Variants in ZNF69 observed in about 807,000 individuals in gnomAD.
ZNF69 encodes ZNF3.
In ZNF69, 47 loss-of-function variants were observed where a neutral mutation model predicts 50.9. That is an observed-to-expected ratio of 0.92 (90% CI 0.73 to 1.18). ZNF69 has a LOEUF of 1.18. Ranked by LOEUF, ZNF69 falls within the 50% of genes most tolerant of loss-of-function variation. ZNF69 has a pLI of 0.00. For missense variants in ZNF69, 717 were observed against 675.1 expected (o/e 1.06, Z -0.69); for synonymous variants, 216 against 223.1 (o/e 0.97, Z 0.29).
At chr19:11,950,132 A>G in the ZNF69 span, 2 of 1,614,052 alleles carry the variant, frequency 1.2e-6, no homozygotes, top group African/African-American at 1.3e-5. Context: ...GGAGAGAAAC[A>G]CTATGAATGT....
chr19:11,902,026 G>T (rs1202025420), intron 1 of ZNF69, among the ~76,000 whole-genome samples: 2 of 138,554 alleles, frequency 1.4e-5, no homozygotes, highest in East Asian at 4.2e-4. Flanking sequence ...TTGTTGCCCA[G>T]GCTGAAGTGC....
intron 1 of ZNF69, among the ~76,000 whole-genome samples, chr19:11,897,884 A>AG (rs1972161563): frequency 6.6e-6 from 1 of 151,588 alleles, no homozygotes; most frequent in East Asian, 1.9e-4. Context: ...AAAAAAAAAA[A>AG]AAGAAAAGAA....
chr19:11,979,516 A>G, the ZNF69 span: 2 of 1,602,764 alleles, frequency 1.2e-6, no homozygotes, highest in African/African-American at 1.3e-5. Flanking sequence ...AAAGACATGA[A>G]AAAACTCACA....
chr19:11,897,349 AAAAAAT>A (rs1296776096), intron 1 of ZNF69, among the ~76,000 whole-genome samples: 35 of 152,262 alleles, frequency 2.3e-4, no homozygotes, highest in African/African-American at 6.0e-4. Flanking sequence ...CTCCATCTCA[AAAAAAT>A]AAAAATAAAA....
the ZNF69 span, chr19:11,925,347 G>A: frequency 1.3e-6 from 2 of 1,589,070 alleles, no homozygotes; most frequent in Middle Eastern, 2.1e-4. Flanking sequence ...GCTGTGGCGG[G>A]ACCCGGGCCT....
the ZNF69 span, among the ~76,000 whole-genome samples, chr19:11,922,235 A>C: frequency 2.6e-5 from 4 of 152,196 alleles, no homozygotes; most frequent in Non-Finnish European, 5.9e-5. Flanking sequence ...TTTTCTTTCA[A>C]TGCAGCTACA....
the ZNF69 span, chr19:11,979,778 A>G: frequency 6.3e-7 from 1 of 1,580,918 alleles, no homozygotes; most frequent in Non-Finnish European, 8.7e-7. Flanking sequence ...TAGAACTCAC[A>G]CTGGAGAGAA....
the ZNF69 span, chr19:11,964,926 A>G: frequency 1.4e-5 from 6 of 441,678 alleles, no homozygotes; most frequent in Non-Finnish European, 2.5e-5. Flanking sequence ...CCTGATACCC[A>G]AGGCTTCCGC....
the ZNF69 span, among the ~76,000 whole-genome samples, chr19:11,958,839 C>T: frequency 1.3e-5 from 2 of 152,184 alleles, no homozygotes; most frequent in Non-Finnish European, 2.9e-5. Flanking sequence ...TGGAATTGCT[C>T]TTTCTGCATG....
At chr19:11,941,130 C>T in the ZNF69 span, among the ~76,000 whole-genome samples, 1 of 152,174 alleles carries the variant, frequency 6.6e-6, no homozygotes, top group South Asian at 2.1e-4. Flanking sequence ...TGTTTACAAA[C>T]CTTAAGCTAG....
At chr19:11,896,598 A>G (rs1972128120) in intron 1 of ZNF69, among the ~76,000 whole-genome samples, 1 of 152,168 alleles carries the variant, frequency 6.6e-6, no homozygotes, top group African/African-American at 2.4e-5. Context: ...TTATAAGAGC[A>G]CTAATCTCAT....
chr19:11,905,658 T>C lies in ZNF69; in HGVS notation c.1261T>C (p.Cys421Arg). Reference protein sequence around the residue: ...TGEKPYECKQCGKAFRSSSHL... With the variant: ...TGEKPYECKQRGKAFRSSSHL... ...AGAGAAACCCTATGAGTGTAAGCAA[T>C]GTGGGAAGGCCTTCAGATCTTCCTC... Residue 421 changes from cysteine to arginine, a missense_variant, in exon 4 of 4, where the codon TGT becomes CGT. Transcript: ENST00000429654. 1 of 1,613,838 alleles carries C rather than the reference T, an allele frequency of 6.2e-7. No individual in the cohort carries two copies. The highest frequency in any genetic ancestry group is 8.5e-7 in the Non-Finnish European group (1 of 1,179,984).
intron 1 of ZNF69, among the ~76,000 whole-genome samples, chr19:11,902,362 G>A (rs1972265877): frequency 6.6e-6 from 1 of 152,090 alleles, no homozygotes; most frequent in Non-Finnish European, 1.5e-5. Flanking sequence ...TTAGCCATCA[G>A]TGGATATGTG....
the ZNF69 span, among the ~76,000 whole-genome samples, chr19:11,943,146 T>A: frequency 6.6e-6 from 1 of 152,310 alleles, no homozygotes; most frequent in South Asian, 2.1e-4. Context: ...TTTTAAATCC[T>A]CCTAGTGCTG....
chr19:11,948,456 C>T, the ZNF69 span: 1 of 1,614,074 alleles, frequency 6.2e-7, no homozygotes, highest in Non-Finnish European at 8.5e-7. Context: ...TTAATATGAG[C>T]ATCAGAGGTG....
chr19:11,910,499 C>G (rs1425405958), downstream of ZNF69, among the ~76,000 whole-genome samples: 2 of 152,030 alleles, frequency 1.3e-5, no homozygotes, highest in East Asian at 3.9e-4. Flanking sequence ...CAGAATAGAG[C>G]CCTCAGAAAT....
intron 1 of ZNF69, among the ~76,000 whole-genome samples, chr19:11,899,918 T>C (rs1022662351): frequency 2.0e-5 from 3 of 152,186 alleles, no homozygotes; most frequent in African/African-American, 4.8e-5. Flanking sequence ...TTTTAGCTAC[T>C]CCACCAGGTA....
the ZNF69 span, chr19:11,950,411 C>T: frequency 2.5e-6 from 2 of 814,756 alleles, no homozygotes; most frequent in East Asian, 2.4e-5. Flanking sequence ...TGTGGGAAAG[C>T]CTTCATTCCT....
chr19:11,921,891 T>C, the ZNF69 span, among the ~76,000 whole-genome samples: 1 of 152,222 alleles, frequency 6.6e-6, no homozygotes, highest in Non-Finnish European at 1.5e-5. Context: ...TTAGGGTCCA[T>C]CGTGAGGCAG....
Sources: gnomAD v4.1 joint callset for allele counts (sites outside exome capture counted in the v4.1 genomes callset) on GRCh38, gnomAD v4.1.1 for gene constraint, MANE v1.5 for transcripts, NCBI Gene and HGNC (gene_info 2026-07-23, HGNC 2026-07-21) for gene names.